KAZN: variants seen among roughly 807,000 people sequenced by gnomAD.
KAZN encodes the protein kazrin, periplakin interacting protein.
KAZN carries 40 observed loss-of-function variants against 87.4 expected under a neutral mutation model. The ratio of observed to expected loss-of-function variants is 0.46; its 90% CI spans 0.36 to 0.60. The LOEUF (loss-of-function observed/expected upper bound fraction) is 0.60. KAZN is among the 20% of genes least tolerant of loss of function. The pLI, the probability that KAZN is intolerant of heterozygous loss-of-function variation, is 0.00. For synonymous variants in KAZN, 466 were observed against 458.3 expected (o/e 1.02, Z -0.22); for missense variants, 898 against 1,073.9 (o/e 0.84, Z 2.29).
At chr1:14,148,592 T>A (rs1013840630) in intron 1 of KAZN, among the ~76,000 whole-genome samples, 2 of 152,206 alleles carry the variant, frequency 1.3e-5, no homozygotes, top group African/African-American at 4.8e-5. Context: ...AAACTCATGG[T>A]TTTTCCAAAG....
At chr1:14,242,111 G>A (rs566424092) in intron 2 of KAZN, among the ~76,000 whole-genome samples, 1 of 152,138 alleles carries the variant, frequency 6.6e-6, no homozygotes, top group East Asian at 1.9e-4. Context: ...ATTTTCCCTT[G>A]GCTGAAAGAC....
chr1:14,598,717 G>C lies in KAZN; in HGVS notation c.-281G>C, dbSNP rs1676684061. The C allele has an allele frequency of 7.6e-7, 1 of 1,315,638 alleles. No homozygotes were observed. The highest frequency in any genetic ancestry group is 4.3e-5 in the Admixed American group (1 of 23,484). The allele number at this position is 1,315,638 out of a possible 1,614,324, so 81.5% of individuals were successfully genotyped here. A position where few individuals can be genotyped will look rare whatever the true frequency, so the allele number is the denominator to read the frequency against. On this transcript the variant is annotated 5_prime_UTR_variant, in exon 1 of 15. Transcript: ENST00000376030. The surrounding 1 kb of genome is among the most constrained non-coding windows in gnomAD (Gnocchi z 4.2). ...GAGCAGCTCTCGGCGCCCGCCCGCC[G>C]GGGTCTCGGCGATCGCTGCTCCTCC...
rs141318980 is a variant in KAZN, at chr1:14,721,826, C to CTAT, written c.226+122603_226+122604insTAT. ...TGAACTGGATAAATAAGTAGAAATACATATACTCTGGGATACTGTGAGGTT... is the reference window on the plus strand; with the variant it reads ...TGAACTGGATAAATAAGTAGAAATACTATATATACTCTGGGATACTGTGAGGTT... On this transcript the variant is annotated intron_variant, in intron 1 of 14. Coordinates refer to ENST00000376030, the MANE Select transcript of KAZN (RefSeq NM_201628.3). Among the ~76,000 whole-genome samples the CTAT allele has an allele frequency of 2.6e-3, 401 of 152,214 alleles. 4 individuals are homozygous for CTAT. Among genetic ancestry groups the CTAT allele is most frequent in the African/African-American group, 8.6e-3 (359 of 41,536 alleles).
intron 1 of KAZN, among the ~76,000 whole-genome samples, chr1:14,084,679 T>G (rs2101600756): frequency 1.4e-5 from 2 of 143,242 alleles, no homozygotes; most frequent in Middle Eastern, 7.5e-3. Flanking sequence ...CCATCTTATA[T>G]CAATACAATA....
At chr1:14,776,702 G>C (rs1360385845) in intron 1 of KAZN, among the ~76,000 whole-genome samples, 1 of 152,144 alleles carries the variant, frequency 6.6e-6, no homozygotes, top group Non-Finnish European at 1.5e-5. Flanking sequence ...CTAGGTGGGA[G>C]AATTGCTTGA....
At chr1:14,800,215 C>T (rs574749098) in intron 1 of KAZN, among the ~76,000 whole-genome samples, 2 of 152,294 alleles carry the variant, frequency 1.3e-5, no homozygotes, top group South Asian at 4.1e-4. Context: ...ACATATGACT[C>T]AGCAACTCCA....
intron 8 of KAZN, among the ~76,000 whole-genome samples, chr1:15,071,890 G>A (rs1346042353): frequency 6.6e-6 from 1 of 152,182 alleles, no homozygotes; most frequent in Non-Finnish European, 1.5e-5. Context: ...ATTCCTTGTT[G>A]CTTTCTTAAT....
chr1:14,954,952 A>C (rs1179427364), intron 1 of KAZN, among the ~76,000 whole-genome samples: 4 of 152,094 alleles, frequency 2.6e-5, no homozygotes, highest in Non-Finnish European at 5.9e-5. Flanking sequence ...ACTCCATCTC[A>C]AAAAAGAAAA....
intron 2 of KAZN, among the ~76,000 whole-genome samples, chr1:14,557,513 CAAAT>C (rs975744336): frequency 1.6e-4 from 25 of 151,686 alleles, no homozygotes; most frequent in African/African-American, 5.8e-4. Context: ...AATAAATAAA[CAAAT>C]AATCGATATT....
At chr1:14,304,938 G>T (rs1405985287) in intron 2 of KAZN, among the ~76,000 whole-genome samples, 1 of 142,820 alleles carries the variant, frequency 7.0e-6, no homozygotes, top group Non-Finnish European at 1.5e-5. Context: ...TGCAGCCAAA[G>T]CTAGTTTTTT....
intron 10 of KAZN, among the ~76,000 whole-genome samples, chr1:15,101,293 C>G (rs1641058511): frequency 6.6e-6 from 1 of 151,722 alleles, no homozygotes; most frequent in African/African-American, 2.4e-5. Flanking sequence ...TTCTGTGTCC[C>G]TTTCTCTCTC....
chr1:14,405,673 A>G (rs1404515549), intron 2 of KAZN, among the ~76,000 whole-genome samples: 1 of 150,338 alleles, frequency 6.7e-6, no homozygotes, highest in Non-Finnish European at 1.5e-5. Flanking sequence ...GATTTATTAT[A>G]AGGAATTGGC....
chr1:14,374,810 T>C (rs1660770526), intron 2 of KAZN, among the ~76,000 whole-genome samples: 2 of 152,216 alleles, frequency 1.3e-5, no homozygotes, highest in South Asian at 2.1e-4. Flanking sequence ...TTAAAGTAAA[T>C]TGCATGCATC....
In KAZN at chr1:13,942,259, G is replaced by A. The variant is rs187259555; in HGVS notation, c.91+48503G>A. Among the ~76,000 whole-genome samples the A allele has an allele frequency of 2.7e-3, 413 of 152,014 alleles. 2 individuals carry two copies. Among genetic ancestry groups the A allele is most frequent in the African/African-American group, 8.6e-3 (358 of 41,424 alleles). On this transcript the variant is annotated intron_variant, in intron 1 of 16. Coordinates refer to the KAZN transcript ENST00000636203. ...TTTCTGGAGAAAAATATAATTCACC[G>A]GCCAGGCGCGGTGGCTCACGCCTGT...
chr1:14,376,224 T>C lies in KAZN; in HGVS notation c.249+195632T>C, dbSNP rs536465638. ...TGTGCATGGCCCTGTACATGCATCATACCCAGAAAGAATACAGTACTTTCA... is the reference window on the plus strand; with the variant it reads ...TGTGCATGGCCCTGTACATGCATCACACCCAGAAAGAATACAGTACTTTCA... On this transcript the variant is annotated intron_variant, in intron 2 of 16. Transcript: ENST00000636203. Among the ~76,000 whole-genome samples, 15 of 152,286 alleles carry C rather than the reference T, an allele frequency of 9.8e-5. No homozygotes were observed. In the South Asian group the frequency reaches 3.1e-3, roughly 32 times the overall value.
At chr1:14,542,280 A>T (rs35215352) in intron 2 of KAZN, among the ~76,000 whole-genome samples, 1 of 116,482 alleles carries the variant, frequency 8.6e-6, no homozygotes, top group Non-Finnish European at 1.7e-5. Context: ...AACATCACAC[A>T]CCGGGGACTG....
intron 1 of KAZN, among the ~76,000 whole-genome samples, chr1:14,829,174 C>T (rs74059606): frequency 0.1 from 15,927 of 152,176 alleles, 1,314 homozygotes; most frequent in African/African-American, 0.23. Context: ...GACTGACTCA[C>T]GAGAAGACCA....
At chr1:14,532,455 T>TTTATTATTA (rs58279675) in intron 2 of KAZN, among the ~76,000 whole-genome samples, 3 of 148,354 alleles carry the variant, frequency 2.0e-5, no homozygotes, top group African/African-American at 7.5e-5. Context: ...AACATGTGTT[T>TTTATTATTA]TTATTATTAT....
At chr1:14,756,178 A>T (rs761329511) in intron 1 of KAZN, among the ~76,000 whole-genome samples, 2 of 152,174 alleles carry the variant, frequency 1.3e-5, no homozygotes, top group Non-Finnish European at 2.9e-5. Context: ...GGTATTTCTG[A>T]CACCAGAGCC....
Sources: allele counts gnomAD v4.1 joint callset (sites outside exome capture counted in the v4.1 genomes callset), GRCh38; gene constraint gnomAD v4.1.1; non-coding constraint Gnocchi (gnomAD v3.1); transcripts MANE v1.5; gene names NCBI Gene and HGNC (gene_info 2026-07-23, HGNC 2026-07-21).